Variants in NFKBIE observed in about 807,000 individuals in gnomAD.
NFKBIE encodes the protein NFKB inhibitor epsilon.
Under a neutral mutation model 31.6 loss-of-function variants are expected in NFKBIE, and 11 were observed. The ratio of observed to expected loss-of-function variants is 0.35; its 90% confidence interval spans 0.22 to 0.58. The LOEUF is 0.58. Ranked by LOEUF, NFKBIE falls within the 20% of genes least tolerant of loss-of-function variation. NFKBIE has a pLI of 0.83. For synonymous variants in NFKBIE, 208 were observed against 210.1 expected, an observed-to-expected ratio of 0.99 and a Z score of 0.09; for missense variants, 354 against 465.7, an observed-to-expected ratio of 0.76 and a Z score of 2.21.
Position 44,260,430 on chromosome 6 carries a change from G to T in NFKBIE, c.780+21C>A. Reference sequence around the variant, plus strand: ...GTGGGGGCAGGCCCTGGGCCGGGCAGTGCTTTGCTGGCTGTCTCACCTGCA... The same window carrying T: ...GTGGGGGCAGGCCCTGGGCCGGGCATTGCTTTGCTGGCTGTCTCACCTGCA... On this transcript the variant is annotated intron_variant, in intron 4 of 5. Coordinates refer to ENST00000619360, the MANE Select transcript of NFKBIE (RefSeq NM_004556.3). The surrounding 1 kb of genome is among the most constrained non-coding windows in gnomAD (Gnocchi z 5.5). The T allele has an allele frequency of 6.2e-7, 1 of 1,614,132 alleles. No individual in the cohort carries two copies. Among genetic ancestry groups the T allele is most frequent in the Non-Finnish European group, 8.5e-7 (1 of 1,179,966 alleles).
intron 1 of NFKBIE, among the ~76,000 whole-genome samples, chr6:44,264,171 GT>G (rs1238069854): frequency 3.3e-5 from 5 of 152,170 alleles, no homozygotes; most frequent in Non-Finnish European, 4.4e-5. Flanking sequence ...CTCATCCCCA[GT>G]TCCCAACCTT....
At chr6:44,259,379 C>A in intron 5 of NFKBIE, 95 bp from the exon 6 acceptor site, 1 of 860,824 alleles carries the variant, frequency 1.2e-6, no homozygotes, top group Non-Finnish European at 2.0e-6. Context: ...CCACTCCCTC[C>A]CCACCAAATG....
chr6:44,261,975 G>A lies in NFKBIE; in HGVS notation c.469-127C>T, dbSNP rs936656921. The A allele has an allele frequency of 5.3e-6, 4 of 753,580 alleles. No individual in the cohort carries two copies. In the Admixed American group the frequency reaches 7.8e-5, roughly 15 times the overall value. 46.7% of individuals were successfully genotyped at this position (753,580 alleles called of 1,614,324 possible). On this transcript the variant is annotated intron_variant, in intron 2 of 5. Transcript: ENST00000619360. This position sits in a 1 kb window ranked among gnomAD's most constrained non-coding sequence, Gnocchi z 4.3. ...AAGCAGCTTATAAAGGCCATAACCT[G>A]TTCTTCCAAGGAAATACTACCGAGC... is the stretch of plus-strand genomic sequence containing the variant.
chr6:44,262,661 G>C lies in NFKBIE; in HGVS notation c.367C>G (p.Leu123Val). The change falls in exon 2 of 6, where the codon CTG becomes GTG. Residue 123 changes from leucine to valine, a missense_variant and splice_region_variant. Coordinates refer to ENST00000619360, the MANE Select transcript of NFKBIE (RefSeq NM_004556.3). ...LTYISEDGDT[L>V]VHLAVIHEAP... ...TCATGAATCACTGCCAGGTGGACCA[G>C]CCTAGGGGAGCAGAGGCGGGGCTTA... 2 of 1,613,736 alleles carry C rather than the reference G, an allele frequency of 1.2e-6. No individual in the cohort carries two copies. The highest frequency in any genetic ancestry group is 1.7e-6 in the Non-Finnish European group (2 of 1,179,632).
Position 44,258,788 on chromosome 6 carries a change from T to A in NFKBIE, c.*431A>T, listed in dbSNP as rs545964650. ...TGTGTGAAGTCTTTAAACAACGGTG[T>A]TTCAGGGTCCTCAACAGCAATAAGA... is the stretch of plus-strand genomic sequence containing the variant. On this transcript the variant is annotated 3_prime_UTR_variant, in exon 6 of 6. Transcript: ENST00000619360. 6 of 157,740 alleles carry A rather than the reference T, an allele frequency of 3.8e-5. No individual in the cohort carries two copies. The highest frequency in any genetic ancestry group is 8.5e-5 in the Non-Finnish European group (6 of 70,994). 9.8% of individuals were successfully genotyped at this position (157,740 alleles called of 1,614,324 possible).
chr6:44,259,135 A>C lies in NFKBIE; in HGVS notation c.*84T>G. 1 of 1,447,884 alleles carries C rather than the reference A, an allele frequency of 6.9e-7. No individual in the cohort carries two copies. Among genetic ancestry groups the C allele is most frequent in the Non-Finnish European group, 9.7e-7 (1 of 1,034,470 alleles). 89.7% of individuals were successfully genotyped at this position (1,447,884 alleles called of 1,614,324 possible). A position where few individuals can be genotyped will look rare whatever the true frequency, so the allele number is the denominator to read the frequency against. On this transcript the variant is annotated 3_prime_UTR_variant, in exon 6 of 6. Coordinates refer to ENST00000619360, the MANE Select transcript of NFKBIE (RefSeq NM_004556.3). ...TCCCTAGGGCACCAGAAGAGCACAT[A>C]GCCTGGGCCCAAACTGCAGCAGTTA...
At chr6:44,264,053 G>A (rs1394124985) in intron 1 of NFKBIE, among the ~76,000 whole-genome samples, 1 of 151,970 alleles carries the variant, frequency 6.6e-6, no homozygotes, top group Non-Finnish European at 1.5e-5. Context: ...CCAGGATTAG[G>A]ACCCTGCATC....
rs1782079844 is a variant in NFKBIE at position 44,265,213 on chromosome 6, G to A, written c.134C>T (p.Pro45Leu). 1.3e-6 allele frequency: 2 copies of A among 1,552,064 alleles called. No individual in the cohort carries two copies. The highest frequency in any genetic ancestry group is 8.7e-7 in the Non-Finnish European group (1 of 1,147,232). The change falls in exon 1 of 6, where the codon CCC becomes CTC. Residue 45 changes from proline (P) to leucine (L), a missense_variant. Around this residue, in one of 2 missense-constraint regions of NFKBIE, gnomAD observed 171 missense variants for 155.1 expected, o/e 1.10. Coordinates refer to ENST00000619360, the MANE Select transcript of NFKBIE (RefSeq NM_004556.3). The part of the protein sequence containing the change: ...APASGPSDGS[P>L]QPCTHPPGPV... ...TCCCGGAGGATGGGTGCAGGGCTGG[G>A]GGCTGCCGTCCGAGGGCCCGGAGGC...
In NFKBIE at chr6:44,265,068, C is replaced by G. The variant is rs1782070449; in HGVS notation, c.279G>C (p.Pro93=). Reference sequence around the variant, plus strand: ...CGTGGGGGAGTGGCAGGCGTGGGGCCGGGTCCTCAGCCTCGGGGCCCCCCA... The same window carrying G: ...CGTGGGGGAGTGGCAGGCGTGGGGCGGGGTCCTCAGCCTCGGGGCCCCCCA... ...SLLGGPEAED[P]APRLPLPHVG... The change falls in exon 1 of 6, where the codon CCG becomes CCC. Residue 93 remains proline, a synonymous_variant. Coordinates refer to ENST00000619360, the MANE Select transcript of NFKBIE (RefSeq NM_004556.3). 1.3e-6 allele frequency: 2 copies of G among 1,568,092 alleles called. No individual in the cohort carries two copies. The highest frequency in any genetic ancestry group is 2.3e-5 in the South Asian group (2 of 85,448).
chr6:44,264,907 G>A (rs1782060940), intron 1 of NFKBIE, 75 bp downstream of exon 1: 1 of 1,476,712 alleles, frequency 6.8e-7, no homozygotes, highest in Non-Finnish European at 9.1e-7. Flanking sequence ...CGGGGGAGTG[G>A]GGGTGCCCGA....
chr6:44,262,227 ACT>A (rs1027979851), intron 2 of NFKBIE, among the ~76,000 whole-genome samples: 3 of 151,214 alleles, frequency 2.0e-5, no homozygotes, highest in Admixed American at 2.0e-4. Flanking sequence ...CCCTGGCAAA[ACT>A]CTCTGTTAGG....
intron 1 of NFKBIE, 62 bp downstream of exon 1, chr6:44,264,920 T>C (rs1290386759): frequency 1.4e-5 from 22 of 1,521,516 alleles, no homozygotes; most frequent in Non-Finnish European, 2.6e-6. Flanking sequence ...GTGCCCGACC[T>C]GTTGCGGCTC....
chr6:44,264,662 C>T (rs535921390), intron 1 of NFKBIE, among the ~76,000 whole-genome samples: 5 of 151,790 alleles, frequency 3.3e-5, no homozygotes, highest in Non-Finnish European at 7.4e-5. Flanking sequence ...TAAGGATGTC[C>T]CCTTCCCCAG....
chr6:44,265,263 G>C lies in NFKBIE; in HGVS notation c.84C>G (p.Ser28=). 6.4e-7 allele frequency: 1 copy of C among 1,552,208 alleles called. No homozygotes were observed. The highest frequency in any genetic ancestry group is 2.4e-5 in the East Asian group (1 of 41,062). Residue 28 remains serine, a synonymous_variant, in exon 1 of 6, where the codon TCC becomes TCG. Transcript: ENST00000619360. The part of the protein sequence containing the change: ...SGIESLRSLR[S]LPESTSAPAS... The stretch of plus-strand genomic sequence containing the variant: ...CTGGAGCCGAGGTGGACTCGGGTAG[G>C]GAGCGCAGAGAGCGCAGAGACTCAA...
rs963078358 is a variant in NFKBIE, at chr6:44,259,121, C to T, written c.*98G>A. 22 of 1,306,522 alleles carry T rather than the reference C, an allele frequency of 1.7e-5. No homozygotes were observed. The highest frequency in any genetic ancestry group is 2.4e-5 in the Non-Finnish European group (22 of 910,336). The allele number at this position is 1,306,522 out of a possible 1,614,324, so 80.9% of individuals were successfully genotyped here. The stretch of plus-strand genomic sequence containing the variant: ...TCTGGCCACAGCAGTCCCTAGGGCA[C>T]CAGAAGAGCACATAGCCTGGGCCCA... On this transcript the variant is annotated 3_prime_UTR_variant, in exon 6 of 6. Transcript: ENST00000619360.
At chr6:44,259,908 T>G (rs1001189057) in intron 5 of NFKBIE, 135 bp downstream of exon 5, 2 of 1,326,406 alleles carry the variant, frequency 1.5e-6, no homozygotes, top group Non-Finnish European at 2.0e-6. Context: ...CAGGCTCAAG[T>G]TCCCACAGTT....
rs1451774595 is a variant in NFKBIE, at chr6:44,262,793, T to G, written c.366-131A>C. 3 of 660,606 alleles carry G rather than the reference T, an allele frequency of 4.5e-6. No individual in the cohort carries two copies. The Admixed American group carries it at 8.0e-5, about 18-fold the overall frequency. 40.9% of individuals were successfully genotyped at this position (660,606 alleles called of 1,614,324 possible). A position where few individuals can be genotyped will look rare whatever the true frequency, so the allele number is the denominator to read the frequency against. On this transcript the variant is annotated intron_variant, in intron 1 of 5. Coordinates refer to ENST00000619360, the MANE Select transcript of NFKBIE (RefSeq NM_004556.3). Reference sequence around the variant, plus strand: ...AGGGTAGGTCCAGGAAGTGAGAGTGTGGGCCAGGAAGTGAGGGTTGGTGTG... The same window carrying G: ...AGGGTAGGTCCAGGAAGTGAGAGTGGGGGCCAGGAAGTGAGGGTTGGTGTG...
chr6:44,260,868 C>CACACACAG lies in NFKBIE; in HGVS notation c.692-330_692-329insCTGTGTGT, dbSNP rs1781885561. ...ACACACACACACATACAGACACACA[C>CACACACAG]ACACACACACACACACACACACAAC... On this transcript the variant is annotated intron_variant, in intron 3 of 5. Transcript: ENST00000619360. This position sits in a 1 kb window ranked among gnomAD's most constrained non-coding sequence, Gnocchi z 5.5. Among the ~76,000 whole-genome samples the CACACACAG allele has an allele frequency of 2.1e-5, 3 of 142,254 alleles. No individual in the cohort carries two copies. The highest frequency in any genetic ancestry group is 4.4e-4 in the South Asian group (2 of 4,500). The allele number at this position is 142,254 out of a possible 152,430, so 93.3% of individuals were successfully genotyped here.
chr6:44,261,855 GCA>G lies in NFKBIE; in HGVS notation c.469-9_469-8del. 2 of 1,604,344 alleles carry G rather than the reference GCA, an allele frequency of 1.2e-6. No individual in the cohort carries two copies. The highest frequency in any genetic ancestry group is 1.7e-6 in the Non-Finnish European group (2 of 1,177,652). ...CAGCCAGATGGAGTGCTGTCTGGAG[GCA>G]CAAATAGAGGGTCATGGGGCCACTG... On this transcript the variant is annotated splice_polypyrimidine_tract_variant and splice_region_variant and intron_variant, in intron 2 of 5. Coordinates refer to ENST00000619360, the MANE Select transcript of NFKBIE (RefSeq NM_004556.3). The surrounding 1 kb of genome is among the most constrained non-coding windows in gnomAD (Gnocchi z 4.3).
Sources: allele counts gnomAD v4.1 joint callset (sites outside exome capture counted in the v4.1 genomes callset), GRCh38; gene constraint gnomAD v4.1.1; regional missense constraint gnomAD v4.1.1; non-coding constraint Gnocchi (gnomAD v3.1); transcripts MANE v1.5; gene names NCBI Gene and HGNC (gene_info 2026-07-23, HGNC 2026-07-21).